The following PAX5 variants were observed in gnomAD, a reference collection of about 807,000 sequenced individuals.
PAX5 encodes paired box protein Pax-5.
A neutral mutation model predicts 43.7 loss-of-function variants in PAX5; 9 were observed. The ratio of observed to expected loss-of-function variants is 0.21; its 90% CI spans 0.12 to 0.36. PAX5 has a LOEUF of 0.36. Ranked by LOEUF, PAX5 falls within the 10% of genes least tolerant of loss-of-function variation. The probability of loss-of-function intolerance (pLI) is 1.00; values close to 1 mark genes in which losing one functional copy is unlikely to be tolerated. For missense variants in PAX5, 383 were observed against 532.7 expected (o/e 0.72, Z 2.77); for synonymous variants, 228 against 214.3 (o/e 1.06, Z -0.56).
intron 7 of PAX5, among the ~76,000 whole-genome samples, chr9:36,898,302 G>A (rs1828048592): frequency 6.6e-6 from 1 of 152,216 alleles, no homozygotes; most frequent in South Asian, 2.1e-4. Flanking sequence ...GCCTCAGGCA[G>A]GTTAATTTCT....
rs546012365 is a variant in PAX5 at position 36,930,840 on chromosome 9, C to T, written c.781-7356G>A. 1,621 of 1,305,718 alleles carry T rather than the reference C, an allele frequency of 1.2e-3. 4 individuals are homozygous for T. The highest frequency in any genetic ancestry group is 2.9e-3 in the South Asian group (233 of 81,118). The allele number at this position is 1,305,718 out of a possible 1,614,324, so 80.9% of individuals were successfully genotyped here. A position where few individuals can be genotyped will look rare whatever the true frequency, so the allele number is the denominator to read the frequency against. On this transcript the variant is annotated intron_variant, in intron 6 of 9. Coordinates refer to ENST00000358127, the MANE Select transcript of PAX5 (RefSeq NM_016734.3). ...AGCAAGGGACTCAAGGAGGCACGTG[C>T]CCCAGGAGAGTGTGCACTGGGCATC...
chr9:36,976,427 G>A (rs1050978606), intron 5 of PAX5, among the ~76,000 whole-genome samples: 2 of 152,150 alleles, frequency 1.3e-5, no homozygotes, highest in South Asian at 2.1e-4. Flanking sequence ...AAGATGCCAA[G>A]GTAAGAGATG....
At chr9:36,911,346 C>CG (rs1554662230) in intron 7 of PAX5, among the ~76,000 whole-genome samples, 22 of 150,930 alleles carry the variant, frequency 1.5e-4, no homozygotes, top group East Asian at 3.9e-4. Context: ...TTTTTGAGAT[C>CG]GGGGGGGTCT....
chr9:36,973,417 T>C (rs1835146886), intron 5 of PAX5, among the ~76,000 whole-genome samples: 1 of 152,148 alleles, frequency 6.6e-6, no homozygotes, highest in African/African-American at 2.4e-5. Flanking sequence ...ACTGGCAAGA[T>C]GAAATGATGT....
intron 8 of PAX5, among the ~76,000 whole-genome samples, chr9:36,848,350 C>CCACACACACACACACACA (rs55793420): frequency 0.029 from 3,960 of 136,388 alleles, 79 homozygotes; most frequent in Middle Eastern, 0.043. Context: ...CAGAGCGTGT[C>CCACACACACACACACACA]CACACACACA....
chr9:36,925,514 G>C (rs949303794), intron 6 of PAX5, among the ~76,000 whole-genome samples: 1 of 152,170 alleles, frequency 6.6e-6, no homozygotes, highest in Non-Finnish European at 1.5e-5. Context: ...ATATGGAACC[G>C]TGATATATGA....
rs769772035 is a variant in PAX5, at chr9:36,840,632, G to A, written c.1104C>T (p.Ser368=). The A allele has an allele frequency of 1.3e-6, 2 of 1,565,808 alleles. No individual in the cohort carries two copies. Among genetic ancestry groups the A allele is most frequent in the South Asian group, 1.2e-5 (1 of 85,126 alleles). The part of the protein sequence containing the change: ...WRFPNPGLLG[S]PYYYSAAARG... ...GGGCGGCAGCGCTATAATAGTAGGG[G>A]GAGCCTGGAAGAGACGGGAGAGAGC... The change falls in exon 10 of 10, where the codon TCC becomes TCT. Residue 368 remains serine, a synonymous_variant. Coordinates refer to ENST00000358127, the MANE Select transcript of PAX5 (RefSeq NM_016734.3).
At chr9:36,842,999 T>C (rs1822205662) in intron 9 of PAX5, among the ~76,000 whole-genome samples, 1 of 152,044 alleles carries the variant, frequency 6.6e-6, no homozygotes, top group Non-Finnish European at 1.5e-5. Context: ...GGAGTGGGGA[T>C]GTGAGCATGT....
rs543020682 is a variant in PAX5, at chr9:36,973,153, A to C, written c.605-6429T>G. Among the ~76,000 whole-genome samples the C allele has an allele frequency of 3.3e-3, 314 of 94,890 alleles. 1 individual carries two copies. Among genetic ancestry groups the C allele is most frequent in the Middle Eastern group, 0.021 (3 of 146 alleles). The allele number at this position is 94,890 out of a possible 152,430, so 62.3% of individuals were successfully genotyped here. A position where few individuals can be genotyped will look rare whatever the true frequency, so the allele number is the denominator to read the frequency against. On this transcript the variant is annotated intron_variant, in intron 5 of 9. Transcript: ENST00000358127. ...AGGAAAGAAAAGGAAAGGAAAGGAA[A>C]GGAAAGGAAAGGAAAGGAAAGGAAA...
intron 3 of PAX5, among the ~76,000 whole-genome samples, chr9:37,011,822 C>T (rs909255870): frequency 6.6e-6 from 1 of 152,116 alleles, no homozygotes; most frequent in African/African-American, 2.4e-5. Context: ...CACTCCCTCC[C>T]CAGCTGTTTG....
chr9:36,856,607 G>A (rs181418990), intron 8 of PAX5: 4 of 151,922 alleles, frequency 2.6e-5, no homozygotes, highest in African/African-American at 7.2e-5. Flanking sequence ...GTGCAATCTC[G>A]GCTCACTGCA....
chr9:36,924,734 T>A (rs1239490152), intron 6 of PAX5, among the ~76,000 whole-genome samples: 10 of 61,258 alleles, frequency 1.6e-4, no homozygotes, highest in Admixed American at 2.5e-4. Flanking sequence ...AAGAAAGAGG[T>A]GGAAGGAAGG....
At chr9:36,959,988 G>C (rs1054374745) in intron 6 of PAX5, among the ~76,000 whole-genome samples, 1 of 152,222 alleles carries the variant, frequency 6.6e-6, no homozygotes, top group African/African-American at 2.4e-5. Context: ...TTTCAGAACA[G>C]AGCCAGGCAT....
chr9:36,858,441 G>A (rs1823873585), intron 8 of PAX5, among the ~76,000 whole-genome samples: 1 of 152,124 alleles, frequency 6.6e-6, no homozygotes, highest in Non-Finnish European at 1.5e-5. Flanking sequence ...ACAATGGCAG[G>A]GTGGGAAACA....
At position 36,839,643 on chromosome 9, in the gene PAX5, G is replaced by A. The variant is rs1252307616; in HGVS notation, c.*917C>T. 2 of 233,374 alleles carry A rather than the reference G, an allele frequency of 8.6e-6. No individual in the cohort carries two copies. Among genetic ancestry groups the A allele is most frequent in the Non-Finnish European group, 1.7e-5 (2 of 118,102 alleles). The allele number at this position is 233,374 out of a possible 1,614,324, so 14.5% of individuals were successfully genotyped here. ...AAACACCGTTCCAGGGGCTGAGGGA[G>A]TAGGGAGAGCCTCAGGCCCCTCCTT... On this transcript the variant is annotated 3_prime_UTR_variant, in exon 10 of 10. Transcript: ENST00000358127.
At chr9:36,885,278 C>A (rs1826815745) in intron 7 of PAX5, among the ~76,000 whole-genome samples, 1 of 152,034 alleles carries the variant, frequency 6.6e-6, no homozygotes. Context: ...GGGGAGGCTG[C>A]AGCTCACCAG....
At chr9:37,027,294 T>C (rs1476426246) in intron 1 of PAX5, among the ~76,000 whole-genome samples, 1 of 152,176 alleles carries the variant, frequency 6.6e-6, no homozygotes, top group Non-Finnish European at 1.5e-5. Flanking sequence ...CCTCCAACAC[T>C]GAGACCCGCT....
intron 8 of PAX5, among the ~76,000 whole-genome samples, chr9:36,864,803 C>T (rs1396416044): frequency 6.6e-6 from 1 of 152,234 alleles, no homozygotes; most frequent in East Asian, 1.9e-4. Context: ...CGGAGCCCCT[C>T]CTGGCTGGAG....
intron 7 of PAX5, among the ~76,000 whole-genome samples, chr9:36,896,973 C>T (rs753199795): frequency 2.0e-5 from 3 of 152,170 alleles, no homozygotes; most frequent in Non-Finnish European, 4.4e-5. Flanking sequence ...ATCTGAGATT[C>T]GGTTCCTGCA....
Sources: allele counts gnomAD v4.1 joint callset (sites outside exome capture counted in the v4.1 genomes callset), GRCh38; gene constraint gnomAD v4.1.1; transcripts MANE v1.5; gene names NCBI Gene and HGNC (gene_info 2026-07-23, HGNC 2026-07-21).